Variants in GAGE1 observed in about 807,000 individuals in gnomAD.
The protein encoded by GAGE1 is G antigen 1, also known as G antigen 4.
In GAGE1, 5 loss-of-function variants were observed where a neutral mutation model predicts 5.0. The ratio of observed to expected loss-of-function variants is 1.00; its 90% CI spans 0.52 to 2.11. GAGE1 has a LOEUF of 2.11. GAGE1 is among the 30% of genes most tolerant of loss of function. The pLI is 0.01. For missense variants in GAGE1, 9 were observed against 38.9 expected (o/e 0.23, Z 2.04); for synonymous variants, 6 against 14.8 (o/e 0.40, Z 1.37).
At chrX:49,604,762 A>T (rs1277273569) in intron 4 of GAGE1, among the ~76,000 whole-genome samples, 1 of 111,906 alleles carries the variant, frequency 8.9e-6, no homozygotes, top group Non-Finnish European at 1.9e-5. Flanking sequence ...TGGAGAGCTG[A>T]ATACGTAGTG....
rs1392774860 is a variant in GAGE1, at chrX:49,605,916, A to ATAT, written c.332-75_332-74insTTA. 3 of 438,553 alleles carry ATAT rather than the reference A, an allele frequency of 6.8e-6. No homozygotes were observed. In the African/African-American group the frequency reaches 8.4e-5, roughly 12 times the overall value. The allele number at this position is 438,553 out of a possible 1,213,427, so 36.1% of individuals were successfully genotyped here. On this transcript the variant is annotated intron_variant, in intron 4 of 4. Transcript: ENST00000381700. Reference sequence around the variant, plus strand: ...GAGTGAGACTCCATCTAAAATAATAATAATAATAATAATAATAATAATAAT... The same window carrying ATAT: ...GAGTGAGACTCCATCTAAAATAATAATATTAATAATAATAATAATAATAATAAT...
chrX:49,604,634 G>A (rs1170735291), intron 4 of GAGE1, among the ~76,000 whole-genome samples: 1 of 112,356 alleles, frequency 8.9e-6, no homozygotes, highest in Non-Finnish European at 1.9e-5. Flanking sequence ...TGCTTCGCAT[G>A]GTTTGTTAAT....
chrX:49,604,271 A>T (rs182389620), intron 4 of GAGE1, among the ~76,000 whole-genome samples: 3 of 112,809 alleles, frequency 2.7e-5, no homozygotes, highest in Non-Finnish European at 3.7e-5. Context: ...AGACTTTCAG[A>T]TAGGGAAACA....
rs1173210841 is a variant in GAGE1 at position 49,608,229 on chromosome X, C to T, written c.*2214C>T. ...CTCTAGGGCCTCCTACCCCGCATTT[C>T]CCCTGCTTTTTCTCTTGTTCTGACT... On this transcript the variant is annotated 3_prime_UTR_variant, in exon 5 of 5. Coordinates refer to ENST00000381700, the MANE Select transcript of GAGE1 (RefSeq NM_001040663.4). The T allele has an allele frequency of 9.0e-6, 1 of 111,678 alleles. No individual in the cohort carries two copies. The highest frequency in any genetic ancestry group is 9.6e-5 in the Admixed American group (1 of 10,425). 9.2% of individuals were successfully genotyped at this position (111,678 alleles called of 1,213,427 possible). A position where few individuals can be genotyped will look rare whatever the true frequency, so the allele number is the denominator to read the frequency against.
chrX:49,606,963 A>G lies in GAGE1; in HGVS notation c.*948A>G, dbSNP rs2066662912. 8.9e-6 allele frequency: 1 copy of G among 111,749 alleles called. No individual in the cohort carries two copies. Among genetic ancestry groups the G allele is most frequent in the Non-Finnish European group, 1.9e-5 (1 of 53,194 alleles). 9.2% of individuals were successfully genotyped at this position (111,749 alleles called of 1,213,427 possible). A position where few individuals can be genotyped will look rare whatever the true frequency, so the allele number is the denominator to read the frequency against. ...TGTTTATGTAGTCAATTACGTTGAT[A>G]AATCTGTACTTTTTAAATTTTAACA... On this transcript the variant is annotated 3_prime_UTR_variant, in exon 5 of 5. Coordinates refer to ENST00000381700, the MANE Select transcript of GAGE1 (RefSeq NM_001040663.4).
intron 4 of GAGE1, among the ~76,000 whole-genome samples, chrX:49,604,280 C>G (rs1404138062): frequency 1.8e-4 from 20 of 112,721 alleles, no homozygotes; most frequent in African/African-American, 5.5e-4. Context: ...GATAGGGAAA[C>G]AAGCTGAGTC....
intron 3 of GAGE1, among the ~76,000 whole-genome samples, chrX:49,602,362 C>T (rs1477764008): frequency 1.2e-5 from 1 of 81,543 alleles, no homozygotes; most frequent in African/African-American, 3.5e-5. Flanking sequence ...TCCTTTCTTC[C>T]TAAAGTTCAG....
rs4824771 is a variant in GAGE1 at position 49,602,421 on chromosome X, T to A, written c.206-1247T>A. On this transcript the variant is annotated intron_variant, in intron 3 of 4. Coordinates refer to ENST00000381700, the MANE Select transcript of GAGE1 (RefSeq NM_001040663.4). ...AATTTTTCCTGTATGTATCTTCAAG[T>A]CATAGCATTCATAGAAAATTTGCAA... Among the ~76,000 whole-genome samples the A allele has an allele frequency of 5.1e-3, 393 of 76,863 alleles. 37 individuals are homozygous for A. The highest frequency in any genetic ancestry group is 0.013 in the African/African-American group (366 of 28,317). 66.7% of individuals were successfully genotyped at this position (76,863 alleles called of 115,157 possible).
chrX:49,604,539 G>T (rs1569532244), intron 4 of GAGE1, among the ~76,000 whole-genome samples: 1 of 112,094 alleles, frequency 8.9e-6, no homozygotes, highest in Non-Finnish European at 1.9e-5. Flanking sequence ...GTGAGTTTAA[G>T]TCAGAGATTT....
Position 49,604,915 on chromosome X carries a change from C to T in GAGE1, c.332-1078C>T, listed in dbSNP as rs1312509107. The T allele has an allele frequency of 4.6e-5, 16 of 350,530 alleles. No individual in the cohort carries two copies. The South Asian group carries it at 4.7e-4, about 10-fold the overall frequency. 28.9% of individuals were successfully genotyped at this position (350,530 alleles called of 1,213,427 possible). On this transcript the variant is annotated intron_variant, in intron 4 of 4. Transcript: ENST00000381700. ...CTCTGGCTCCCAGGCTAAAGCAGTCCTCCCACCTCAGCCTCCTGAGTGGCT... is the reference window on the plus strand; with the variant it reads ...CTCTGGCTCCCAGGCTAAAGCAGTCTTCCCACCTCAGCCTCCTGAGTGGCT...
At chrX:49,605,908 AAATAAT>A (rs35884078) in intron 4 of GAGE1, 79 bp from the exon 5 acceptor site, 5,193 of 307,146 alleles carry the variant, frequency 0.017, 34 homozygotes, top group Middle Eastern at 0.045. Context: ...ACTCCATCTA[AAATAAT>A]AATAATAATA....
At chrX:49,605,480 T>C (rs1557132032) in intron 4 of GAGE1, among the ~76,000 whole-genome samples, 1 of 112,191 alleles carries the variant, frequency 8.9e-6, no homozygotes. Flanking sequence ...ACCTTTAAAT[T>C]CTGGAGGGCT....
intron 3 of GAGE1, among the ~76,000 whole-genome samples, chrX:49,602,136 C>A (rs1310032558): frequency 9.0e-6 from 1 of 111,729 alleles, no homozygotes; most frequent in Non-Finnish European, 1.9e-5. Flanking sequence ...CACAGTGAGA[C>A]CTCATCGCTA....
chrX:49,602,630 T>G (rs1392875019), intron 3 of GAGE1, among the ~76,000 whole-genome samples: 1 of 90,793 alleles, frequency 1.1e-5, no homozygotes, highest in Non-Finnish European at 2.4e-5. Context: ...TTCGATAAAG[T>G]TTCAGGTATT....
intron 4 of GAGE1, chrX:49,604,871 A>C (rs1557131830): frequency 3.8e-6 from 1 of 264,135 alleles, no homozygotes; most frequent in Non-Finnish European, 7.1e-6. Flanking sequence ...GCAGTGGTGT[A>C]CTTTCAGCTC....
chrX:49,605,459 G>A (rs1557132027), intron 4 of GAGE1, among the ~76,000 whole-genome samples: 2 of 112,085 alleles, frequency 1.8e-5, no homozygotes, highest in Non-Finnish European at 3.8e-5. Context: ...TTGATGTTTA[G>A]GGAAGAAATT....
intron 3 of GAGE1, among the ~76,000 whole-genome samples, chrX:49,602,167 A>T: frequency 1.8e-5 from 2 of 113,219 alleles, no homozygotes; most frequent in Non-Finnish European, 3.7e-5. Context: ...AAATGGATAA[A>T]TAAATACATA....
intron 4 of GAGE1, 24 bp from the exon 5 acceptor site, chrX:49,605,968 TC>T (rs781811121): frequency 3.7e-5 from 37 of 1,007,517 alleles, no homozygotes; most frequent in Non-Finnish European, 4.4e-5. Flanking sequence ...TCTGTAATGT[TC>T]CCAACTGTTT....
chrX:49,605,129 C>G (rs1285200948), intron 4 of GAGE1: 9 of 1,004,000 alleles, frequency 9.0e-6, no homozygotes, highest in Non-Finnish European at 1.0e-5. Flanking sequence ...TAGTTCCTAT[C>G]ATCTGTGGCA....
Sources: allele counts gnomAD v4.1 joint callset (sites outside exome capture counted in the v4.1 genomes callset), GRCh38; gene constraint gnomAD v4.1.1; transcripts MANE v1.5; gene names NCBI Gene and HGNC (gene_info 2026-07-23, HGNC 2026-07-21).